The following EXOC4 variants were observed in gnomAD, a reference collection of about 807,000 sequenced individuals.
EXOC4 encodes the protein exocyst complex component 4.
In EXOC4, 71 loss-of-function variants were observed where a neutral mutation model predicts 107.2. The ratio of observed to expected loss-of-function variants is 0.66; its 90% CI spans 0.55 to 0.81. The LOEUF (loss-of-function observed/expected upper bound fraction) is 0.81, where lower values mean the gene tolerates loss of function less well. EXOC4 is among the 30% of genes least tolerant of loss of function. The probability of loss-of-function intolerance (pLI) is 0.00; values close to 1 mark genes in which losing one functional copy is unlikely to be tolerated. For missense variants in EXOC4, 1,108 were observed against 1,189.6 expected (o/e 0.93, Z 1.01); for synonymous variants, 456 against 441.2 (o/e 1.03, Z -0.42).
chr7:133,717,589 G>A (rs1795024100), intron 10 of EXOC4, among the ~76,000 whole-genome samples: 2 of 152,180 alleles, frequency 1.3e-5, no homozygotes, highest in Non-Finnish European at 2.9e-5. Context: ...TGAATCCAGT[G>A]CCCAGCACGG....
At chr7:133,988,573 T>C (rs1311389100) in intron 14 of EXOC4, among the ~76,000 whole-genome samples, 1 of 152,174 alleles carries the variant, frequency 6.6e-6, no homozygotes, top group East Asian at 1.9e-4. Flanking sequence ...TAATGGAATA[T>C]ACCTTCTATT....
chr7:133,796,111 T>C (rs541908614), intron 10 of EXOC4, among the ~76,000 whole-genome samples: 1 of 152,344 alleles, frequency 6.6e-6, no homozygotes, highest in East Asian at 1.9e-4. Flanking sequence ...CTTAATTTCC[T>C]ATAGACATTC....
intron 10 of EXOC4, among the ~76,000 whole-genome samples, chr7:133,788,462 T>G (rs1222667303): frequency 6.6e-6 from 1 of 152,088 alleles, no homozygotes; most frequent in Non-Finnish European, 1.5e-5. Context: ...CTGTTTGCTC[T>G]GACAAAAGCT....
intron 13 of EXOC4, among the ~76,000 whole-genome samples, chr7:133,932,100 C>G (rs907555220): frequency 6.6e-6 from 1 of 152,224 alleles, no homozygotes; most frequent in Non-Finnish European, 1.5e-5. Context: ...GACTGTCATT[C>G]TAAATTTTCT....
At chr7:133,264,094 G>A (rs1274476076) in intron 1 of EXOC4, among the ~76,000 whole-genome samples, 2 of 152,222 alleles carry the variant, frequency 1.3e-5, no homozygotes, top group African/African-American at 2.4e-5. Flanking sequence ...AGAGTTGGGT[G>A]AAGTAAGAGT....
At chr7:134,052,900 C>G (rs1464679476) in intron 17 of EXOC4, among the ~76,000 whole-genome samples, 1 of 152,174 alleles carries the variant, frequency 6.6e-6, no homozygotes, top group Non-Finnish European at 1.5e-5. Flanking sequence ...CCATCTCCCC[C>G]CGGAGTTACA....
chr7:133,833,801 G>A (rs542677374), intron 11 of EXOC4, among the ~76,000 whole-genome samples: 1 of 152,278 alleles, frequency 6.6e-6, no homozygotes, highest in Admixed American at 6.5e-5. Flanking sequence ...CTGGGCTCAA[G>A]CGATCAGCTT....
At chr7:133,711,890 T>A (rs1794900006) in intron 10 of EXOC4, among the ~76,000 whole-genome samples, 1 of 152,178 alleles carries the variant, frequency 6.6e-6, no homozygotes, top group Non-Finnish European at 1.5e-5. Flanking sequence ...TTTATGCCCA[T>A]TTTGGATTTA....
At chr7:134,063,425 A>G (rs1172457209) in intron 17 of EXOC4, among the ~76,000 whole-genome samples, 1 of 152,192 alleles carries the variant, frequency 6.6e-6, no homozygotes, top group Non-Finnish European at 1.5e-5. Context: ...ACAGTCTTGA[A>G]CTTAGAGTCA....
intron 9 of EXOC4, among the ~76,000 whole-genome samples, chr7:133,493,962 G>A (rs1406352357): frequency 6.6e-6 from 1 of 152,156 alleles, no homozygotes; most frequent in East Asian, 1.9e-4. Flanking sequence ...AAATAATTTA[G>A]GACGGTTGGA....
In EXOC4 at chr7:133,326,877, C is replaced by G. The variant is rs570975847; in HGVS notation, c.763+9487C>G. On this transcript the variant is annotated intron_variant, in intron 5 of 17. Transcript: ENST00000253861. ...CCACCCAGTTCGAGCTTCCTGGCCC[C>G]TTTGTTTACCTACTCAAGGCTCAGC... 1.8e-4 allele frequency among the ~76,000 whole-genome samples: 27 copies of G among 152,352 alleles called. No individual in the cohort carries two copies. The East Asian group carries it at 4.6e-3, about 26-fold the overall frequency.
At chr7:133,738,759 A>G (rs1168121811) in intron 10 of EXOC4, among the ~76,000 whole-genome samples, 1 of 152,232 alleles carries the variant, frequency 6.6e-6, no homozygotes, top group African/African-American at 2.4e-5. Flanking sequence ...CTCCAAGGAT[A>G]CTGCAGAAAG....
chr7:133,871,709 A>G (rs1226037340), intron 11 of EXOC4, among the ~76,000 whole-genome samples: 1 of 152,086 alleles, frequency 6.6e-6, no homozygotes, highest in Non-Finnish European at 1.5e-5. Context: ...GTTAAGAGCA[A>G]GGGCTCTGGA....
chr7:133,274,995 A>G lies in EXOC4; in HGVS notation c.100A>G (p.Ser34Gly). The change falls in exon 2 of 18, where the codon AGT becomes GGT. Residue 34 changes from serine to glycine, a missense_variant. By Grantham distance (56) the Ser-to-Gly change is moderately conservative. Coordinates refer to ENST00000253861, the MANE Select transcript of EXOC4 (RefSeq NM_021807.4). ...TGCCTTCACCAGGACTCTGTCTACT[A>G]GTGACGATGTCGAAGACAGGGAAAA... ...LISVIRTLSTSDDVEDRENEK... is the reference protein window; with the variant it reads ...LISVIRTLSTGDDVEDRENEK... The G allele has an allele frequency of 1.2e-6, 2 of 1,609,378 alleles. No individual in the cohort carries two copies. Among genetic ancestry groups the G allele is most frequent in the Non-Finnish European group, 8.5e-7 (1 of 1,177,512 alleles).
At chr7:134,028,096 G>A (rs1056601381) in intron 17 of EXOC4, among the ~76,000 whole-genome samples, 12 of 152,206 alleles carry the variant, frequency 7.9e-5, no homozygotes, top group Admixed American at 5.9e-4. Flanking sequence ...ATCCTCTGGA[G>A]GAGGAGGGTC....
intron 9 of EXOC4, among the ~76,000 whole-genome samples, chr7:133,548,710 G>A (rs1276161215): frequency 6.6e-6 from 1 of 152,170 alleles, no homozygotes; most frequent in Non-Finnish European, 1.5e-5. Flanking sequence ...ACCTCTCTCA[G>A]CCTTCAAAGA....
intron 15 of EXOC4, among the ~76,000 whole-genome samples, chr7:133,999,774 T>G (rs1221066769): frequency 6.6e-6 from 1 of 152,216 alleles, no homozygotes; most frequent in Non-Finnish European, 1.5e-5. Flanking sequence ...ATTGTTTACT[T>G]ATGTGTAGTT....
chr7:133,338,349 T>C (rs1378993155), intron 5 of EXOC4, among the ~76,000 whole-genome samples: 3 of 150,806 alleles, frequency 2.0e-5, no homozygotes, highest in Non-Finnish European at 4.4e-5. Flanking sequence ...ATCCCAGCAC[T>C]TTGGGAGGCC....
At chr7:133,669,243 T>C (rs554753394) in intron 10 of EXOC4, among the ~76,000 whole-genome samples, 1 of 151,584 alleles carries the variant, frequency 6.6e-6, no homozygotes, top group Non-Finnish European at 1.5e-5. Context: ...GCCTTTACAG[T>C]GGTGAGAGGA....
Sources: gnomAD v4.1 joint callset for allele counts (sites outside exome capture counted in the v4.1 genomes callset) on GRCh38, gnomAD v4.1.1 for gene constraint, MANE v1.5 for transcripts, NCBI Gene and HGNC (gene_info 2026-07-23, HGNC 2026-07-21) for gene names.